The following SLC14A2 variants were observed in gnomAD, a reference collection of about 807,000 sequenced individuals.
SLC14A2 encodes solute carrier family 14 member 2.
A neutral mutation model predicts 104.6 loss-of-function variants in SLC14A2; 91 were observed. The ratio of observed to expected loss-of-function variants is 0.87; its 90% CI spans 0.73 to 1.04. SLC14A2 has a LOEUF of 1.04. Among genes scored for constraint, SLC14A2 ranks in the 50% least tolerant of loss-of-function variants. The probability of loss-of-function intolerance (pLI) is 0.00; values close to 1 mark genes in which losing one functional copy is unlikely to be tolerated. For missense variants in SLC14A2, 1,189 were observed against 1,156.0 expected, an observed-to-expected ratio of 1.03 and a Z score of -0.41; for synonymous variants, 476 against 466.4, an observed-to-expected ratio of 1.02 and a Z score of -0.27.
At chr18:45,185,414 G>T in the SLC14A2 span, among the ~76,000 whole-genome samples, 1 of 152,124 alleles carries the variant, frequency 6.6e-6, no homozygotes. Flanking sequence ...AGTCTACACA[G>T]ACATGGTTAC....
chr18:45,189,269 AC>A, the SLC14A2 span, among the ~76,000 whole-genome samples: 1 of 152,286 alleles, frequency 6.6e-6, no homozygotes, highest in Non-Finnish European at 1.5e-5. Flanking sequence ...GACTTCTGCA[AC>A]CCTGAGAGCA....
At chr18:45,558,069 C>T (rs996234948) in intron 2 of SLC14A2, among the ~76,000 whole-genome samples, 1 of 152,152 alleles carries the variant, frequency 6.6e-6, no homozygotes, top group African/African-American at 2.4e-5. Flanking sequence ...CAGATCATTC[C>T]AATTCCTGGT....
chr18:45,638,369 T>TA (rs2045459752), intron 6 of SLC14A2, among the ~76,000 whole-genome samples: 1 of 152,220 alleles, frequency 6.6e-6, no homozygotes, highest in African/African-American at 2.4e-5. Context: ...AAGAGCCCTC[T>TA]AGGCTCTTCA....
At chr18:45,460,693 C>T (rs1341705361) in intron 1 of SLC14A2, among the ~76,000 whole-genome samples, 2 of 152,150 alleles carry the variant, frequency 1.3e-5, no homozygotes, top group African/African-American at 2.4e-5. Context: ...CATTTACAAT[C>T]CCTCTCTCCT....
intron 2 of SLC14A2, among the ~76,000 whole-genome samples, chr18:45,555,745 G>A (rs902739425): frequency 1.3e-5 from 2 of 152,214 alleles, no homozygotes; most frequent in Admixed American, 6.5e-5. Context: ...GCTGCTTAAT[G>A]TTCCCTCATG....
At chr18:45,652,227 A>G (rs967950475) in intron 10 of SLC14A2, among the ~76,000 whole-genome samples, 1 of 152,224 alleles carries the variant, frequency 6.6e-6, no homozygotes, top group African/African-American at 2.4e-5. Flanking sequence ...TGGTAACTTT[A>G]AAGGCATTCA....
chr18:45,425,648 C>T (rs1180149108), intron 1 of SLC14A2, among the ~76,000 whole-genome samples: 1 of 152,194 alleles, frequency 6.6e-6, no homozygotes, highest in Non-Finnish European at 1.5e-5. Context: ...GCTAAGGACA[C>T]ATGAAATAGA....
intron 2 of SLC14A2, among the ~76,000 whole-genome samples, chr18:45,514,964 A>G (rs1348584214): frequency 6.6e-6 from 1 of 152,250 alleles, no homozygotes; most frequent in East Asian, 1.9e-4. Flanking sequence ...TGCAAGTACC[A>G]AGTTCAATGA....
At chr18:45,366,812 G>C (rs1227733008) in intron 1 of SLC14A2, among the ~76,000 whole-genome samples, 1 of 152,218 alleles carries the variant, frequency 6.6e-6, no homozygotes, top group Non-Finnish European at 1.5e-5. Context: ...TCAGGCTGCT[G>C]ATGGACTGGA....
At chr18:45,263,494 T>C (rs74343658) in intron 1 of SLC14A2, among the ~76,000 whole-genome samples, 3,074 of 152,294 alleles carry the variant, frequency 0.02, 159 homozygotes, top group East Asian at 0.18. Flanking sequence ...TATACAAATA[T>C]CCTGTTTCTG....
At chr18:45,259,201 A>T (rs1008186602) in intron 1 of SLC14A2, among the ~76,000 whole-genome samples, 1 of 152,212 alleles carries the variant, frequency 6.6e-6, no homozygotes, top group Non-Finnish European at 1.5e-5. Context: ...GTGGAGAAAG[A>T]TCCCTATCAC....
chr18:45,574,336 G>A (rs935233640), intron 2 of SLC14A2, among the ~76,000 whole-genome samples: 30 of 152,274 alleles, frequency 2.0e-4, no homozygotes, highest in African/African-American at 6.5e-4. Flanking sequence ...AGTGGTGAGA[G>A]GTAGGTTAAA....
At chr18:45,378,222 A>G (rs1221192760) in intron 1 of SLC14A2, among the ~76,000 whole-genome samples, 1 of 115,568 alleles carries the variant, frequency 8.7e-6, no homozygotes, top group Non-Finnish European at 1.7e-5. Flanking sequence ...TATTTAGCAT[A>G]GTGTAAAGGC....
chr18:45,549,196 T>A (rs571406924), intron 2 of SLC14A2, among the ~76,000 whole-genome samples: 13 of 152,342 alleles, frequency 8.5e-5, no homozygotes, highest in African/African-American at 3.1e-4. Flanking sequence ...GAGTAGTTCA[T>A]GAAGTAGGAA....
At chr18:45,414,040 C>T (rs1304873376) in intron 1 of SLC14A2, among the ~76,000 whole-genome samples, 1 of 152,170 alleles carries the variant, frequency 6.6e-6, no homozygotes, top group Non-Finnish European at 1.5e-5. Flanking sequence ...AAAGAAAGTC[C>T]ACATCAGTAT....
At chr18:45,476,685 A>G (rs953336606) in intron 1 of SLC14A2, among the ~76,000 whole-genome samples, 10 of 151,954 alleles carry the variant, frequency 6.6e-5, no homozygotes, top group African/African-American at 2.2e-4. Context: ...GTTCCTTTTC[A>G]TTCCTTTTTC....
chr18:45,556,004 A>T (rs924127152), intron 2 of SLC14A2, among the ~76,000 whole-genome samples: 1 of 152,130 alleles, frequency 6.6e-6, no homozygotes, highest in African/African-American at 2.4e-5. Context: ...TAAACAACAG[A>T]CATTTATTTC....
chr18:45,292,443 C>G (rs2084879214), intron 1 of SLC14A2, among the ~76,000 whole-genome samples: 1 of 152,176 alleles, frequency 6.6e-6, no homozygotes, highest in Non-Finnish European at 1.5e-5. Context: ...GTGAAATGTA[C>G]TTTGAGGTTG....
At chr18:45,379,110 G>A (rs2085806515) in intron 1 of SLC14A2, among the ~76,000 whole-genome samples, 1 of 152,164 alleles carries the variant, frequency 6.6e-6, no homozygotes, top group African/African-American at 2.4e-5. Flanking sequence ...GACCTAACAG[G>A]ACACATTAGA....
Sources: allele counts gnomAD v4.1 joint callset (sites outside exome capture counted in the v4.1 genomes callset), GRCh38; gene constraint gnomAD v4.1.1; transcripts MANE v1.5; gene names NCBI Gene and HGNC (gene_info 2026-07-23, HGNC 2026-07-21).